PBX4: variants seen among roughly 807,000 people sequenced by gnomAD.
PBX4 encodes PBX homeobox 4, also known as pre-B-cell leukemia transcription factor 4.
In PBX4, 26 loss-of-function variants were observed where a neutral mutation model predicts 35.1. The ratio of observed to expected loss-of-function variants is 0.74; its 90% CI spans 0.54 to 1.03. The LOEUF (loss-of-function observed/expected upper bound fraction) is 1.03, where lower values mean the gene tolerates loss of function less well. Among genes scored for constraint, PBX4 ranks in the 50% least tolerant of loss-of-function variants. The pLI is 0.00. For missense variants in PBX4, 448 were observed against 504.3 expected (o/e 0.89, Z 1.07); for synonymous variants, 199 against 204.2 (o/e 0.97, Z 0.22).
intron 2 of PBX4, among the ~76,000 whole-genome samples, chr19:19,586,013 T>A (rs1256720194): frequency 6.6e-6 from 1 of 152,190 alleles, no homozygotes. Flanking sequence ...AATATGCAAA[T>A]TAATTTCATT....
intron 2 of PBX4, among the ~76,000 whole-genome samples, chr19:19,571,230 A>G (rs1231572937): frequency 1.3e-5 from 2 of 152,090 alleles, no homozygotes; most frequent in African/African-American, 4.8e-5. Flanking sequence ...GATAAAGGCA[A>G]GTGGCAGGCT....
chr19:19,617,080 C>T (rs1432084224), intron 1 of PBX4, among the ~76,000 whole-genome samples: 1 of 152,214 alleles, frequency 6.6e-6, no homozygotes, highest in Non-Finnish European at 1.5e-5. Flanking sequence ...ACCTCAGGGC[C>T]TCTGAAGGTG....
chr19:19,579,943 C>A (rs2061443541), intron 2 of PBX4: 1 of 152,358 alleles, frequency 6.6e-6, no homozygotes, highest in Non-Finnish European at 1.5e-5. Context: ...CTCCCCATCT[C>A]CCCCCACCAT....
At chr19:19,567,676 C>T (rs894809120) in intron 5 of PBX4, among the ~76,000 whole-genome samples, 2 of 152,172 alleles carry the variant, frequency 1.3e-5, no homozygotes, top group African/African-American at 4.8e-5. Context: ...CATGTTAAAA[C>T]CTTCGGAAAT....
Position 19,574,162 on chromosome 19 carries a change from C to A in PBX4, c.194-3329G>T, listed in dbSNP as rs189297829. 9.8e-5 allele frequency among the ~76,000 whole-genome samples: 15 copies of A among 152,292 alleles called. No homozygotes were observed. In the South Asian group the frequency reaches 1.9e-3, roughly 19 times the overall value. ...AAAGTGCTGGGATTATAAGCGTGAG[C>A]CACCGCACCTGGCCTGTTTCTAAAA... On this transcript the variant is annotated intron_variant, in intron 2 of 7. Coordinates refer to ENST00000251203, the MANE Select transcript of PBX4 (RefSeq NM_025245.3).
intron 2 of PBX4, among the ~76,000 whole-genome samples, chr19:19,590,540 C>G (rs189285313): frequency 1.8e-4 from 27 of 151,596 alleles, no homozygotes; most frequent in Non-Finnish European, 8.8e-5. Flanking sequence ...GTGATCTCCG[C>G]TCACTGCAAC....
At position 19,562,353 on chromosome 19, in the gene PBX4, A is replaced by G. The variant is rs2061312557; in HGVS notation, c.1033-236T>C. Among the ~76,000 whole-genome samples the G allele has an allele frequency of 1.3e-5, 2 of 152,288 alleles. No individual in the cohort carries two copies. The highest frequency in any genetic ancestry group is 3.4e-3 in the Middle Eastern group (1 of 294). On this transcript the variant is annotated intron_variant, in intron 7 of 7. Coordinates refer to ENST00000251203, the MANE Select transcript of PBX4 (RefSeq NM_025245.3). The surrounding 1 kb of genome is among the most constrained non-coding windows in gnomAD (Gnocchi z 4.8). ...TTCCCCGGCAGGAAAACTGGCCTCT[A>G]GTGGCTTCCCTGGGGCTTAGGCAAA...
At chr19:19,588,501 A>G (rs1025868885) in intron 2 of PBX4, 4 of 587,546 alleles carry the variant, frequency 6.8e-6, no homozygotes, top group Admixed American at 6.6e-5. Context: ...CTGGTCTCGA[A>G]CTCCTGACCT....
At chr19:19,608,327 C>A (rs2144786894) in intron 1 of PBX4, 1 of 150,204 alleles carries the variant, frequency 6.7e-6, no homozygotes, top group East Asian at 2.0e-4. Context: ...GCACTCCAGT[C>A]TAGGCAAGTG....
intron 2 of PBX4, among the ~76,000 whole-genome samples, chr19:19,597,063 A>C (rs554063875): frequency 1.3e-5 from 2 of 152,124 alleles, no homozygotes; most frequent in Admixed American, 1.3e-4. Flanking sequence ...AAATACAAAA[A>C]ATTAGCTGGG....
chr19:19,591,415 T>G (rs370103998), intron 2 of PBX4, among the ~76,000 whole-genome samples: 14 of 152,214 alleles, frequency 9.2e-5, no homozygotes, highest in Admixed American at 1.3e-4. Context: ...GGCCAATCAT[T>G]AGTCAGGAAG....
intron 2 of PBX4, among the ~76,000 whole-genome samples, chr19:19,575,627 GAA>G (rs2061415039): frequency 1.3e-5 from 2 of 152,086 alleles, no homozygotes; most frequent in Admixed American, 1.3e-4. Context: ...ACCTGCGGAG[GAA>G]AGTCTCTCCC....
chr19:19,589,497 G>A lies in PBX4; in HGVS notation c.193+9795C>T, dbSNP rs577704875. On this transcript the variant is annotated intron_variant, in intron 2 of 7. Transcript: ENST00000251203. ...AGAAAAAAAAGTTCTGGTCAGGCAC[G>A]GTGGCTCATGCCTGTAAATCCCAGC... Among the ~76,000 whole-genome samples the A allele has an allele frequency of 3.3e-5, 5 of 151,960 alleles. No homozygotes were observed. The South Asian group carries it at 8.3e-4, about 25-fold the overall frequency.
At chr19:19,591,252 G>C (rs1207179245) in intron 2 of PBX4, among the ~76,000 whole-genome samples, 2 of 152,126 alleles carry the variant, frequency 1.3e-5, no homozygotes, top group Non-Finnish European at 2.9e-5. Flanking sequence ...GCCTCAGGGT[G>C]ACTGCTAGGA....
intron 2 of PBX4, among the ~76,000 whole-genome samples, chr19:19,577,098 A>G (rs1292908268): frequency 2.0e-5 from 3 of 151,202 alleles, no homozygotes; most frequent in Non-Finnish European, 2.9e-5. Context: ...ATGGTGGTGC[A>G]TGCCTGTAAT....
intron 2 of PBX4, among the ~76,000 whole-genome samples, chr19:19,586,673 T>G (rs2061490869): frequency 6.6e-6 from 1 of 152,030 alleles, no homozygotes; most frequent in Admixed American, 6.6e-5. Flanking sequence ...TGGCCGGGCA[T>G]GATGGCTCCT....
intron 2 of PBX4, among the ~76,000 whole-genome samples, chr19:19,597,864 G>A (rs180858265): frequency 3.9e-5 from 6 of 152,278 alleles, no homozygotes; most frequent in South Asian, 4.1e-4. Context: ...TTGACAGCAT[G>A]TTTTCCCTGA....
chr19:19,604,206 C>T (rs1466755449), intron 1 of PBX4, among the ~76,000 whole-genome samples: 1 of 151,846 alleles, frequency 6.6e-6, no homozygotes, highest in Non-Finnish European at 1.5e-5. Context: ...CATGGTGGCT[C>T]ATGCCTGTAA....
In PBX4 at chr19:19,568,334, G is replaced by A. The variant is rs546289897; in HGVS notation, c.768+1115C>T. Among the ~76,000 whole-genome samples, 6 of 137,200 alleles carry A rather than the reference G, an allele frequency of 4.4e-5. 1 individual carries two copies. Among genetic ancestry groups the A allele is most frequent in the Admixed American group, 3.7e-4 (5 of 13,458 alleles). 90.0% of individuals were successfully genotyped at this position (137,200 alleles called of 152,430 possible). On this transcript the variant is annotated intron_variant, in intron 5 of 7. Transcript: ENST00000251203. ...ACACTCTATCAGTATCCCTCAGGGA[G>A]CTCACACTCCATCTGTATCCCTCAG... is the stretch of plus-strand genomic sequence containing the variant.
Sources: gnomAD v4.1 joint callset for allele counts (sites outside exome capture counted in the v4.1 genomes callset) on GRCh38, gnomAD v4.1.1 for gene constraint, Gnocchi (gnomAD v3.1) non-coding constraint, MANE v1.5 for transcripts, NCBI Gene and HGNC (gene_info 2026-07-23, HGNC 2026-07-21) for gene names.